The following TTC21B variants were observed in gnomAD, a reference collection of about 807,000 sequenced individuals.
The protein encoded by TTC21B is tetratricopeptide repeat domain 21B, also known as tetratricopeptide repeat protein 21B.
In TTC21B, 127 loss-of-function variants were observed where a neutral mutation model predicts 175.1. The ratio of observed to expected loss-of-function variants is 0.73; its 90% CI spans 0.63 to 0.84. The LOEUF (loss-of-function observed/expected upper bound fraction) is 0.84. TTC21B is among the 40% of genes least tolerant of loss of function. The pLI is 0.00. For missense variants in TTC21B, 1,561 were observed against 1,558.3 expected, an observed-to-expected ratio of 1.00 and a Z score of -0.03; for synonymous variants, 524 against 524.5, an observed-to-expected ratio of 1.00 and a Z score of 0.01.
At chr2:165,927,117 TAGA>T (rs1177542356) in intron 11 of TTC21B, among the ~76,000 whole-genome samples, 2 of 32,734 alleles carry the variant, frequency 6.1e-5, no homozygotes, top group African/African-American at 3.6e-4. Flanking sequence ...TATATCCTAG[TAGA>T]TATATATATA....
chr2:165,898,806 T>G, intron 21 of TTC21B, 39 bp from the exon 22 acceptor site: 2 of 1,223,998 alleles, frequency 1.6e-6, no homozygotes, highest in Non-Finnish European at 1.2e-6. Context: ...TATTGCCATG[T>G]ATTTTACACA....
At chr2:165,893,524 T>C (rs1685265657) in intron 22 of TTC21B, among the ~76,000 whole-genome samples, 1 of 152,226 alleles carries the variant, frequency 6.6e-6, no homozygotes, top group African/African-American at 2.4e-5. Flanking sequence ...CCATGACATT[T>C]GACAGAAGGC....
intron 1 of TTC21B, among the ~76,000 whole-genome samples, chr2:165,951,499 A>G (rs1243735706): frequency 6.6e-6 from 1 of 152,130 alleles, no homozygotes; most frequent in Non-Finnish European, 1.5e-5. Context: ...TTCCAGATTC[A>G]TATTTCCATT....
At chr2:165,893,483 GATTAA>G (rs1393589976) in intron 22 of TTC21B, among the ~76,000 whole-genome samples, 1 of 152,102 alleles carries the variant, frequency 6.6e-6, no homozygotes, top group African/African-American at 2.4e-5. Flanking sequence ...ACCAGTGACA[GATTAA>G]ATTACATTCA....
intron 4 of TTC21B, among the ~76,000 whole-genome samples, chr2:165,944,699 C>A (rs571362818): frequency 6.6e-6 from 1 of 152,290 alleles, no homozygotes; most frequent in Admixed American, 6.5e-5. Context: ...CAAGATCCTT[C>A]AATTTGTCTC....
In TTC21B at chr2:165,896,698, T is replaced by C. The variant is rs111846500; in HGVS notation, c.2950+1988A>G. On this transcript the variant is annotated intron_variant, in intron 22 of 28. Coordinates refer to ENST00000243344, the MANE Select transcript of TTC21B (RefSeq NM_024753.5). ...TGTGGGAGCAGCATATTCCGGGAAG[T>C]AGAAACAGCAAACAAAAAGGCTCAA... is the stretch of plus-strand genomic sequence containing the variant. Among the ~76,000 whole-genome samples, 1,306 of 152,294 alleles carry C rather than the reference T, an allele frequency of 8.6e-3. 12 individuals are homozygous for C. The highest frequency in any genetic ancestry group is 0.029 in the African/African-American group (1,197 of 41,564).
intron 13 of TTC21B, among the ~76,000 whole-genome samples, chr2:165,918,189 T>A (rs1206974088): frequency 6.6e-6 from 1 of 152,230 alleles, no homozygotes; most frequent in Non-Finnish European, 1.5e-5. Context: ...CTCACGCTTG[T>A]GCTCCTTCCT....
intron 12 of TTC21B, among the ~76,000 whole-genome samples, chr2:165,923,751 T>TTG: frequency 6.8e-6 from 1 of 148,004 alleles, no homozygotes; most frequent in Non-Finnish European, 1.5e-5. Flanking sequence ...TGGTTTTTTT[T>TTG]TTTTTTTTTT....
In TTC21B at chr2:165,927,327, ATAT is replaced by A. The variant is rs1360621523; in HGVS notation, c.1386+1805_1386+1807del. Among the ~76,000 whole-genome samples the A allele has an allele frequency of 8.5e-4, 76 of 89,298 alleles. 1 individual carries two copies. Among genetic ancestry groups the A allele is most frequent in the Non-Finnish European group, 1.4e-3 (59 of 42,856 alleles). The allele number at this position is 89,298 out of a possible 152,430, so 58.6% of individuals were successfully genotyped here. A position where few individuals can be genotyped will look rare whatever the true frequency, so the allele number is the denominator to read the frequency against. On this transcript the variant is annotated intron_variant, in intron 11 of 28. Transcript: ENST00000243344. ...ATATATTATATATTATATAATATAT[ATAT>A]AATATATAATATATATATAATATAT... is the stretch of plus-strand genomic sequence containing the variant.
Position 165,940,927 on chromosome 2 carries a change from T to C in TTC21B, c.710+100A>G, listed in dbSNP as rs182449028. The C allele has an allele frequency of 5.3e-5, 72 of 1,348,396 alleles. No homozygotes were observed. In the African/African-American group the frequency reaches 1.0e-3, roughly 20 times the overall value. The allele number at this position is 1,348,396 out of a possible 1,614,324, so 83.5% of individuals were successfully genotyped here. On this transcript the variant is annotated intron_variant, in intron 6 of 28. Transcript: ENST00000243344. ...TCGGTTCCACACTGTTTGAAAAAAA[T>C]CAAATTTAAAAACCCTTATGAAAAA...
At chr2:165,875,978 CAT>C (rs1263610315) in intron 28 of TTC21B, among the ~76,000 whole-genome samples, 185 bp downstream of exon 28, 1 of 151,954 alleles carries the variant, frequency 6.6e-6, no homozygotes, top group African/African-American at 2.4e-5. Flanking sequence ...AAAGTAAAAA[CAT>C]GTTTTTTATT....
intron 6 of TTC21B, among the ~76,000 whole-genome samples, chr2:165,935,793 A>T (rs13018773): frequency 0.44 from 66,244 of 151,984 alleles, 15,176 homozygotes; most frequent in Middle Eastern, 0.57. Flanking sequence ...GAAAATTTTT[A>T]AATTCTGACA....
At position 165,915,427 on chromosome 2, in the gene TTC21B, T is replaced by C. The variant is rs757810710; in HGVS notation, c.1912A>G (p.Lys638Glu). 2 of 1,613,726 alleles carry C rather than the reference T, an allele frequency of 1.2e-6. No homozygotes were observed. The highest frequency in any genetic ancestry group is 2.2e-5 in the East Asian group (1 of 44,882). Reference protein sequence around the residue: ...RLNGEQHEATKVLQDAIHEFS... With the variant: ...RLNGEQHEATEVLQDAIHEFS... ...TCATGGATGGCATCTTGTAAAACTT[T>C]GGTTGCCTCATGCTGTAAAGATGAA... The change falls in exon 15 of 29, where the codon AAA (lysine) becomes GAA (glutamate). Residue 638 changes from lysine (K) to glutamate (E), a missense_variant. By Grantham distance (56) the Lys-to-Glu change is moderately conservative. Transcript: ENST00000243344.
At chr2:165,921,282 C>A (rs549649879) in intron 12 of TTC21B, among the ~76,000 whole-genome samples, 7 of 152,058 alleles carry the variant, frequency 4.6e-5, no homozygotes, top group African/African-American at 1.4e-4. Flanking sequence ...AATGAAATCC[C>A]AATAAAAGCT....
chr2:165,931,798 G>A lies in TTC21B; in HGVS notation c.854C>T (p.Ala285Val). The A allele has an allele frequency of 1.2e-6, 2 of 1,613,602 alleles. No individual in the cohort carries two copies. The highest frequency in any genetic ancestry group is 1.7e-4 in the Middle Eastern group (1 of 6,060). Reference sequence around the variant, plus strand: ...GAGTGTAATGTTATAGAAAAGTTGAGCATTCTGTGGTTCCATGGCATCCAA... The same window carrying A: ...GAGTGTAATGTTATAGAAAAGTTGAACATTCTGTGGTTCCATGGCATCCAA... ...NTLDAMEPQN[A>V]QLFYNITLAF... Residue 285 changes from alanine (A) to valine (V), a missense_variant, in exon 8 of 29, where the codon GCT becomes GTT. By Grantham distance (64) the Ala-to-Val change is moderately conservative. Coordinates refer to ENST00000243344, the MANE Select transcript of TTC21B (RefSeq NM_024753.5).
Position 165,910,422 on chromosome 2 carries a change from AAAAGT to A in TTC21B, c.2461+900_2461+904del, listed in dbSNP as rs376325406. Among the ~76,000 whole-genome samples, 90 of 152,242 alleles carry A rather than the reference AAAAGT, an allele frequency of 5.9e-4. 1 individual carries two copies. The highest frequency in any genetic ancestry group is 2.1e-3 in the African/African-American group (88 of 41,568). On this transcript the variant is annotated intron_variant, in intron 18 of 28. Coordinates refer to ENST00000243344, the MANE Select transcript of TTC21B (RefSeq NM_024753.5). ...TGTCTCAAAAAAAAAAAGATCTTAA[AAAAGT>A]AAATTTTTACAAACTTGAAAGAAGG...
chr2:165,884,973 C>T (rs983939473), intron 25 of TTC21B, among the ~76,000 whole-genome samples: 2 of 152,208 alleles, frequency 1.3e-5, no homozygotes, highest in Non-Finnish European at 1.5e-5. Flanking sequence ...AGCGAGACCT[C>T]GCCTCAACTG....
At chr2:165,920,935 T>A (rs567202898) in intron 12 of TTC21B, among the ~76,000 whole-genome samples, 1 of 152,272 alleles carries the variant, frequency 6.6e-6, no homozygotes, top group South Asian at 2.1e-4. Context: ...GACATTTCAG[T>A]CCTGTCTGTC....
chr2:165,936,269 T>A (rs1687138283), intron 6 of TTC21B, among the ~76,000 whole-genome samples: 1 of 151,926 alleles, frequency 6.6e-6, no homozygotes, highest in African/African-American at 2.4e-5. Flanking sequence ...ATGGAAAAAA[T>A]GAATATAGAT....
Sources: gnomAD v4.1 joint callset for allele counts (sites outside exome capture counted in the v4.1 genomes callset) on GRCh38, gnomAD v4.1.1 for gene constraint, MANE v1.5 for transcripts, NCBI Gene and HGNC (gene_info 2026-07-23, HGNC 2026-07-21) for gene names.